The following KCNS3 variants were observed in gnomAD, a reference collection of about 807,000 sequenced individuals.
The protein encoded by KCNS3 is delayed-rectifier potassium channel regulatory subunit KCNS3.
Under a neutral mutation model 31.0 loss-of-function variants are expected in KCNS3, and 13 were observed. The observed-to-expected ratio is 0.42, with a 90% CI of 0.27 to 0.67. The LOEUF (loss-of-function observed/expected upper bound fraction) is 0.67, where lower values mean the gene tolerates loss of function less well. Ranked by LOEUF, KCNS3 falls within the 30% of genes least tolerant of loss-of-function variation. The pLI is 0.25. For synonymous variants in KCNS3, 238 were observed against 241.5 expected, an observed-to-expected ratio of 0.99 and a Z score of 0.13; for missense variants, 545 against 622.4, an observed-to-expected ratio of 0.88 and a Z score of 1.32.
At chr2:17,903,991 T>G (rs1420713367) in intron 1 of KCNS3, among the ~76,000 whole-genome samples, 1 of 152,098 alleles carries the variant, frequency 6.6e-6, no homozygotes, top group African/African-American at 2.4e-5. Flanking sequence ...GATGGCTGGG[T>G]CAAATGGTAT....
chr2:17,895,510 C>G (rs1325896913), intron 1 of KCNS3, among the ~76,000 whole-genome samples: 1 of 152,172 alleles, frequency 6.6e-6, no homozygotes, highest in Non-Finnish European at 1.5e-5. Context: ...CCAAGCAGCC[C>G]TCTCCACAAC....
At chr2:17,907,927 A>T (rs1444233775) in intron 1 of KCNS3, among the ~76,000 whole-genome samples, 1 of 152,044 alleles carries the variant, frequency 6.6e-6, no homozygotes, top group African/African-American at 2.4e-5. Context: ...TGGATCTGAC[A>T]ATTGTGTGTC....
intron 1 of KCNS3, among the ~76,000 whole-genome samples, chr2:17,900,268 G>C (rs942088399): frequency 6.6e-6 from 1 of 152,190 alleles, no homozygotes; most frequent in African/African-American, 2.4e-5. Context: ...TGAGTAAACT[G>C]TTCTACTGCA....
At chr2:17,880,994 T>G (rs1674633053) in intron 1 of KCNS3, among the ~76,000 whole-genome samples, 1 of 152,248 alleles carries the variant, frequency 6.6e-6, no homozygotes, top group African/African-American at 2.4e-5. Flanking sequence ...TTTCCTTCTA[T>G]TTTTTAATAG....
intron 2 of KCNS3, among the ~76,000 whole-genome samples, chr2:17,930,066 G>A (rs1390054024): frequency 4.6e-5 from 7 of 152,204 alleles, no homozygotes; most frequent in African/African-American, 1.7e-4. Flanking sequence ...GCGACCTGGT[G>A]TATCCTGATT....
chr2:17,892,578 G>T (rs1172213821), intron 1 of KCNS3, among the ~76,000 whole-genome samples: 5 of 152,146 alleles, frequency 3.3e-5, no homozygotes, highest in African/African-American at 1.2e-4. Context: ...TCAGAGGGAA[G>T]GTCTAGGGCT....
intron 1 of KCNS3, among the ~76,000 whole-genome samples, chr2:17,889,778 C>G (rs1661794382): frequency 6.6e-6 from 1 of 152,114 alleles, no homozygotes; most frequent in South Asian, 2.1e-4. Flanking sequence ...GGTATGAAAT[C>G]CAGTTGATCA....
chr2:17,925,256 A>G (rs186191772), intron 2 of KCNS3, among the ~76,000 whole-genome samples: 11 of 152,308 alleles, frequency 7.2e-5, no homozygotes, highest in African/African-American at 2.4e-4. Context: ...AAAGCTTACC[A>G]GCGTCAACAT....
At chr2:17,921,603 C>T (rs1662704465) in intron 2 of KCNS3, among the ~76,000 whole-genome samples, 1 of 151,840 alleles carries the variant, frequency 6.6e-6, no homozygotes, top group East Asian at 1.9e-4. Flanking sequence ...GCTGGGAAAG[C>T]CTCAGGAAAC....
At position 17,932,414 on chromosome 2, in the gene KCNS3, A is replaced by T. The variant is rs753625952; in HGVS notation, c.1406A>T (p.Asp469Val). 8.7e-6 allele frequency: 14 copies of T among 1,614,002 alleles called. No homozygotes were observed. Among genetic ancestry groups the T allele is most frequent in the Non-Finnish European group, 1.2e-5 (14 of 1,180,004 alleles). The change falls in exon 3 of 3, where the codon GAT becomes GTT. Residue 469 changes from aspartate (D) to valine (V), a missense_variant. Physicochemically the swap from Asp to Val is radical, Grantham distance 152. Transcript: ENST00000304101. ...GIVVSDPDST[D>V]ASSIEDNEDI... ...GTGGTGAGCGATCCTGACTCCACAGATGCTTCAAGCATTGAAGACAATGAG... is the reference window on the plus strand; with the variant it reads ...GTGGTGAGCGATCCTGACTCCACAGTTGCTTCAAGCATTGAAGACAATGAG...
intron 1 of KCNS3, among the ~76,000 whole-genome samples, chr2:17,883,411 TGGGGTGAG>T (rs1490245745): frequency 2.0e-4 from 4 of 19,810 alleles, no homozygotes; most frequent in African/African-American, 8.2e-4. Flanking sequence ...TGGGGTGGGG[TGGGGTGAG>T]AAGTGGGAGG....
At chr2:17,881,894 A>G (rs1674652811) in intron 1 of KCNS3, among the ~76,000 whole-genome samples, 1 of 152,188 alleles carries the variant, frequency 6.6e-6, no homozygotes, top group Admixed American at 6.5e-5. Flanking sequence ...CCTTTGACAA[A>G]ATGGTCTGCT....
At chr2:17,899,181 C>A (rs972919075) in intron 1 of KCNS3, among the ~76,000 whole-genome samples, 4 of 151,320 alleles carry the variant, frequency 2.6e-5, no homozygotes, top group African/African-American at 9.7e-5. Context: ...AGCCGAGATC[C>A]CACCACTGCA....
At chr2:17,925,660 C>CTCACTCACTA (rs1379822661) in intron 2 of KCNS3, among the ~76,000 whole-genome samples, 2 of 152,126 alleles carry the variant, frequency 1.3e-5, no homozygotes, top group Non-Finnish European at 2.9e-5. Flanking sequence ...CTTGTGAGAA[C>CTCACTCACTA]TCACTCACTA....
At position 17,931,336 on chromosome 2, in the gene KCNS3, G is replaced by A. The variant is rs868853389; in HGVS notation, c.328G>A (p.Glu110Lys). Residue 110 changes from glutamate to lysine, a missense_variant, in exon 3 of 3, where the codon GAG becomes AAG. By Grantham distance (56) the Glu-to-Lys change is moderately conservative (BLOSUM62 1). Transcript: ENST00000304101. This position sits in a 1 kb window ranked among gnomAD's most constrained non-coding sequence, Gnocchi z 5.4. ...GGAGATCGAGTACTGGGGCATCAAC[G>A]AGCTCTTCATTGATTCTTGCTGCAG... ...CQEIEYWGIN[E>K]LFIDSCCSNR... The A allele has an allele frequency of 3.1e-6, 5 of 1,613,988 alleles. No individual in the cohort carries two copies. The highest frequency in any genetic ancestry group is 1.3e-5 in the African/African-American group (1 of 74,894).
chr2:17,884,674 T>C (rs374873995), intron 1 of KCNS3, among the ~76,000 whole-genome samples: 1 of 152,096 alleles, frequency 6.6e-6, no homozygotes, highest in African/African-American at 2.4e-5. Context: ...TTTGTGTCTA[T>C]GTGGAAGGCA....
At chr2:17,914,793 T>C (rs1662551645) in intron 1 of KCNS3, among the ~76,000 whole-genome samples, 1 of 152,182 alleles carries the variant, frequency 6.6e-6, no homozygotes, top group African/African-American at 2.4e-5. Context: ...CACACAGGAT[T>C]CTGTGCAAGC....
intron 2 of KCNS3, among the ~76,000 whole-genome samples, chr2:17,922,916 C>A (rs1439301370): frequency 6.6e-6 from 1 of 152,144 alleles, no homozygotes; most frequent in Non-Finnish European, 1.5e-5. Context: ...ACATTACATA[C>A]AGTTTTTGTT....
At chr2:17,880,400 G>C (rs536629251) in intron 1 of KCNS3, among the ~76,000 whole-genome samples, 2 of 152,316 alleles carry the variant, frequency 1.3e-5, no homozygotes, top group Non-Finnish European at 2.9e-5. Flanking sequence ...TCTGCACCCA[G>C]TCTAGTCTGT....
Sources: allele counts gnomAD v4.1 joint callset (sites outside exome capture counted in the v4.1 genomes callset), GRCh38; gene constraint gnomAD v4.1.1; non-coding constraint Gnocchi (gnomAD v3.1); transcripts MANE v1.5; gene names NCBI Gene and HGNC (gene_info 2026-07-23, HGNC 2026-07-21).